Variants in CAMTA1 observed in about 807,000 individuals in gnomAD.
CAMTA1 encodes calmodulin binding transcription activator 1.
A neutral mutation model predicts 170.9 loss-of-function variants in CAMTA1; 27 were observed. The observed-to-expected ratio is 0.16, with a 90% CI of 0.12 to 0.22. The LOEUF is 0.22. Among genes scored for constraint, CAMTA1 ranks in the 10% least tolerant of loss-of-function variants. CAMTA1 has a pLI of 1.00. For missense variants in CAMTA1, 1,619 were observed against 2,217.2 expected (o/e 0.73, Z 5.42); for synonymous variants, 833 against 891.5 (o/e 0.93, Z 1.17).
chr1:6,926,491 TC>T (rs1238195634), intron 3 of CAMTA1, among the ~76,000 whole-genome samples: 1 of 146,604 alleles, frequency 6.8e-6, no homozygotes, highest in Non-Finnish European at 1.5e-5. Flanking sequence ...TTTCTTTCTC[TC>T]TCTCTTTTCT....
intron 5 of CAMTA1, among the ~76,000 whole-genome samples, chr1:7,374,065 C>CT (rs2150074477): frequency 6.6e-6 from 1 of 152,342 alleles, no homozygotes; most frequent in Non-Finnish European, 1.5e-5. Flanking sequence ...GCCTCCCCGC[C>CT]TCACTGGCAA....
At chr1:7,089,856 T>G (rs1641253769) in intron 3 of CAMTA1, among the ~76,000 whole-genome samples, 1 of 152,124 alleles carries the variant, frequency 6.6e-6, no homozygotes, top group Admixed American at 6.5e-5. Flanking sequence ...GAAGGATCTA[T>G]CTACAGTGAG....
intron 7 of CAMTA1, among the ~76,000 whole-genome samples, chr1:7,644,363 T>C (rs2095789063): frequency 6.6e-6 from 1 of 152,188 alleles, no homozygotes; most frequent in Non-Finnish European, 1.5e-5. Context: ...CCCAGGACAT[T>C]CCCAGAGATC....
chr1:7,424,840 C>T (rs187680139), intron 5 of CAMTA1, among the ~76,000 whole-genome samples: 81 of 152,144 alleles, frequency 5.3e-4, no homozygotes, highest in Middle Eastern at 6.8e-3. Flanking sequence ...CCCTAAAAAC[C>T]GCTCCACTCT....
chr1:7,217,620 A>C (rs1369213906), intron 4 of CAMTA1, among the ~76,000 whole-genome samples: 1 of 152,012 alleles, frequency 6.6e-6, no homozygotes, highest in Non-Finnish European at 1.5e-5. Flanking sequence ...ATACTCATTT[A>C]ATTTCTTTTT....
At chr1:7,291,904 G>A (rs1436651477) in intron 5 of CAMTA1, among the ~76,000 whole-genome samples, 2 of 152,240 alleles carry the variant, frequency 1.3e-5, no homozygotes, top group Non-Finnish European at 2.9e-5. Flanking sequence ...TTCCCCCGCT[G>A]TTTTGACTGG....
At chr1:7,417,460 G>A (rs571356104) in intron 5 of CAMTA1, among the ~76,000 whole-genome samples, 10 of 146,982 alleles carry the variant, frequency 6.8e-5, no homozygotes, top group Non-Finnish European at 1.0e-4. Context: ...GTTTACCTAA[G>A]CAAGCCTGGG....
intron 11 of CAMTA1, among the ~76,000 whole-genome samples, chr1:7,725,863 G>A (rs552827597): frequency 1.2e-4 from 18 of 152,174 alleles, no homozygotes; most frequent in Non-Finnish European, 2.1e-4. Context: ...AGCAGAAGCC[G>A]CCATCTAGGG....
intron 3 of CAMTA1, among the ~76,000 whole-genome samples, chr1:6,884,291 G>GAGACAC (rs1448763424): frequency 1.5e-5 from 2 of 136,550 alleles, no homozygotes; most frequent in Non-Finnish European, 3.2e-5. Context: ...ATTCTCTAGA[G>GAGACAC]ACACACACAC....
chr1:7,149,623 G>A (rs183300764), intron 4 of CAMTA1, among the ~76,000 whole-genome samples: 1 of 152,268 alleles, frequency 6.6e-6, no homozygotes, highest in Non-Finnish European at 1.5e-5. Context: ...TTGGCGATGC[G>A]AGTTTTTAGC....
intron 11 of CAMTA1, among the ~76,000 whole-genome samples, chr1:7,678,332 T>G (rs1244680868): frequency 6.6e-6 from 1 of 152,244 alleles, no homozygotes; most frequent in Non-Finnish European, 1.5e-5. Context: ...ACCTCTGGCC[T>G]GTACGGCGTC....
Position 7,107,528 on chromosome 1 carries a change from G to A in CAMTA1, c.302+16157G>A, listed in dbSNP as rs192564404. Among the ~76,000 whole-genome samples, 35 of 152,240 alleles carry A rather than the reference G, an allele frequency of 2.3e-4. 1 individual carries two copies. The highest frequency in any genetic ancestry group is 6.5e-4 in the African/African-American group (27 of 41,544). On this transcript the variant is annotated intron_variant, in intron 4 of 22. Coordinates refer to ENST00000303635, the MANE Select transcript of CAMTA1 (RefSeq NM_015215.4). Reference sequence around the variant, plus strand: ...CACAGAGAGCAGATTAATTGGTGGCGTTGACATAAATGATGAGAAGACTCT... The same window carrying A: ...CACAGAGAGCAGATTAATTGGTGGCATTGACATAAATGATGAGAAGACTCT...
chr1:7,664,809 C>A lies in CAMTA1; in HGVS notation c.2262C>A (p.Asn754Lys). The A allele has an allele frequency of 1.2e-6, 2 of 1,613,206 alleles. No homozygotes were observed. The highest frequency in any genetic ancestry group is 1.7e-6 in the Non-Finnish European group (2 of 1,179,806). The change falls in exon 9 of 23, where the codon AAC (asparagine) becomes AAA (lysine). Residue 754 changes from asparagine (N) to lysine (K), a missense_variant. Asn to Lys is a moderately conservative substitution (Grantham distance 94). Coordinates refer to ENST00000303635, the MANE Select transcript of CAMTA1 (RefSeq NM_015215.4). ...LYPVAQPSLG[N>K]ASNMELSLDH... ...CCGTGGCCCAGCCCAGCCTCGGCAA[C>A]GCCTCCAACATGGAGCTCAGCCTGG...
intron 22 of CAMTA1, among the ~76,000 whole-genome samples, chr1:7,761,705 T>A (rs1304245920): frequency 2.6e-5 from 4 of 152,230 alleles, no homozygotes; most frequent in Admixed American, 2.0e-4. Flanking sequence ...TAGGTAATGT[T>A]AATGAAACCA....
chr1:6,918,588 A>G lies in CAMTA1; in HGVS notation c.234+93378A>G, dbSNP rs962151880. Among the ~76,000 whole-genome samples, 3 of 152,344 alleles carry G rather than the reference A, an allele frequency of 2.0e-5. No homozygotes were observed. Among genetic ancestry groups the G allele is most frequent in the South Asian group, 2.1e-4 (1 of 4,832 alleles). On this transcript the variant is annotated intron_variant, in intron 3 of 22. Coordinates refer to ENST00000303635, the MANE Select transcript of CAMTA1 (RefSeq NM_015215.4). The surrounding 1 kb of genome is among the most constrained non-coding windows in gnomAD (Gnocchi z 4.0). ...TTTATCTGGCATTGGGAAACCATCA[A>G]CGCCAGCCTGCCTTGCCGACAGCAC...
rs573358526 is a variant in CAMTA1, at chr1:7,050,843, C to T, written c.235-40461C>T. On this transcript the variant is annotated intron_variant, in intron 3 of 22. Transcript: ENST00000303635. The surrounding 1 kb of genome is among the most constrained non-coding windows in gnomAD (Gnocchi z 4.8). ...CTCTGGGAAGGAGAAATGGGAACAT[C>T]ACACTGGGGTATTTATGGGAGCCGT... 2.0e-4 allele frequency among the ~76,000 whole-genome samples: 31 copies of T among 152,222 alleles called. No individual in the cohort carries two copies. In the South Asian group the frequency reaches 6.2e-3, roughly 31 times the overall value.
intron 5 of CAMTA1, among the ~76,000 whole-genome samples, chr1:7,407,253 C>T (rs2090360832): frequency 1.3e-5 from 2 of 152,212 alleles, no homozygotes. Context: ...ACTTGGGGGG[C>T]TCATGGCTGC....
intron 4 of CAMTA1, among the ~76,000 whole-genome samples, chr1:7,164,893 A>T (rs577069342): frequency 6.6e-6 from 1 of 152,256 alleles, no homozygotes; most frequent in African/African-American, 2.4e-5. Context: ...CAATGGTAAC[A>T]TCATCTGTTA....
chr1:6,996,046 G>T (rs1199578811), intron 3 of CAMTA1, among the ~76,000 whole-genome samples: 3 of 152,220 alleles, frequency 2.0e-5, no homozygotes, highest in African/African-American at 7.2e-5. Context: ...CATGAAAGGG[G>T]CATTCCTTGG....
Sources: gnomAD v4.1 joint callset for allele counts (sites outside exome capture counted in the v4.1 genomes callset) on GRCh38, gnomAD v4.1.1 for gene constraint, Gnocchi (gnomAD v3.1) non-coding constraint, MANE v1.5 for transcripts, NCBI Gene and HGNC (gene_info 2026-07-23, HGNC 2026-07-21) for gene names.